The following CTNND2 variants were observed in gnomAD, a reference collection of about 807,000 sequenced individuals.
CTNND2 encodes catenin delta-2.
CTNND2 carries 22 observed loss-of-function variants against 144.4 expected under a neutral mutation model. The observed-to-expected ratio is 0.15, with a 90% CI of 0.11 to 0.22. The LOEUF is 0.22. CTNND2 is among the 10% of genes least tolerant of loss of function. The pLI is 1.00. For missense variants in CTNND2, 1,353 were observed against 1,618.8 expected (o/e 0.84, Z 2.82); for synonymous variants, 751 against 695.6 (o/e 1.08, Z -1.25).
At chr5:11,381,941 T>C (rs1382091430) in intron 7 of CTNND2, among the ~76,000 whole-genome samples, 2 of 152,090 alleles carry the variant, frequency 1.3e-5, no homozygotes, top group African/African-American at 2.4e-5. Context: ...CACTCTAGCC[T>C]GGGTGACAGA....
intron 16 of CTNND2, among the ~76,000 whole-genome samples, chr5:11,065,284 ATAGT>A (rs1354127688): frequency 6.6e-6 from 1 of 152,248 alleles, no homozygotes; most frequent in African/African-American, 2.4e-5. Flanking sequence ...CCTACTTAAG[ATAGT>A]TCTTTTGGAA....
At chr5:11,623,868 G>A (rs1350308500) in intron 2 of CTNND2, among the ~76,000 whole-genome samples, 1 of 120,222 alleles carries the variant, frequency 8.3e-6, no homozygotes, top group African/African-American at 3.1e-5. Flanking sequence ...CAAAAAAGGA[G>A]CAGCCAGATT....
chr5:11,454,961 A>C (rs540904104), intron 3 of CTNND2, among the ~76,000 whole-genome samples: 9 of 151,986 alleles, frequency 5.9e-5, no homozygotes, highest in Admixed American at 4.6e-4. Context: ...TCAGAAAAAA[A>C]AATTCTGAGT....
At chr5:11,371,226 T>G (rs939874923) in intron 7 of CTNND2, among the ~76,000 whole-genome samples, 1 of 152,258 alleles carries the variant, frequency 6.6e-6, no homozygotes, top group Non-Finnish European at 1.5e-5. Flanking sequence ...AGCTATTTTC[T>G]GGACTTTGAA....
At chr5:10,974,610 C>G (rs1736222166) in intron 21 of CTNND2, among the ~76,000 whole-genome samples, 1 of 152,172 alleles carries the variant, frequency 6.6e-6, no homozygotes, top group Non-Finnish European at 1.5e-5. Flanking sequence ...GAGGTTAACC[C>G]TACAGCAAGT....
chr5:10,979,563 G>C (rs1180322824), intron 21 of CTNND2, among the ~76,000 whole-genome samples: 1 of 152,224 alleles, frequency 6.6e-6, no homozygotes, highest in Non-Finnish European at 1.5e-5. Flanking sequence ...TGATCAACGA[G>C]GGGGAACAAC....
At chr5:11,573,135 T>C (rs2561617) in intron 2 of CTNND2, among the ~76,000 whole-genome samples, 1 of 151,844 alleles carries the variant, frequency 6.6e-6, no homozygotes. Context: ...GACAATCAAA[T>C]GCCTACCTTA....
Position 11,708,792 on chromosome 5 carries a change from T to C in CTNND2, c.174+23344A>G, listed in dbSNP as rs150182556. On this transcript the variant is annotated intron_variant, in intron 2 of 21. Transcript: ENST00000304623. ...CCACAAAATCAAGATACAGAATGTT[T>C]CATCACCCTGAAGAGTACCCTCCTT... 1.3e-3 allele frequency among the ~76,000 whole-genome samples: 191 copies of C among 152,266 alleles called. 1 individual carries two copies. Among genetic ancestry groups the C allele is most frequent in the African/African-American group, 4.4e-3 (181 of 41,554 alleles).
intron 16 of CTNND2, among the ~76,000 whole-genome samples, chr5:11,056,118 A>G (rs939998297): frequency 3.9e-5 from 6 of 152,232 alleles, no homozygotes; most frequent in African/African-American, 1.2e-4. Flanking sequence ...TGCTAAGTAC[A>G]TGCTTGAATA....
intron 20 of CTNND2, among the ~76,000 whole-genome samples, chr5:10,982,738 G>T (rs2149487802): frequency 6.6e-6 from 1 of 152,332 alleles, no homozygotes; most frequent in Non-Finnish European, 1.5e-5. Context: ...CCTAGATGTG[G>T]AATCAACCCA....
intron 3 of CTNND2, among the ~76,000 whole-genome samples, chr5:11,476,111 T>G (rs1194213687): frequency 6.6e-6 from 1 of 151,708 alleles, no homozygotes; most frequent in African/African-American, 2.4e-5. Flanking sequence ...ACTCAAGTTA[T>G]CCGCCCACCT....
At chr5:11,343,865 T>A (rs1754501695) in intron 9 of CTNND2, among the ~76,000 whole-genome samples, 1 of 152,212 alleles carries the variant, frequency 6.6e-6, no homozygotes, top group Non-Finnish European at 1.5e-5. Flanking sequence ...AATAAAATGT[T>A]AACAAATTCT....
At chr5:11,248,633 TTGA>T (rs1468346161) in intron 9 of CTNND2, among the ~76,000 whole-genome samples, 2 of 152,160 alleles carry the variant, frequency 1.3e-5, no homozygotes, top group African/African-American at 4.8e-5. Context: ...AATGGTGCAC[TTGA>T]TGAATCTCTT....
chr5:11,462,727 CTGT>C (rs1239521349), intron 3 of CTNND2, among the ~76,000 whole-genome samples: 8 of 152,144 alleles, frequency 5.3e-5, no homozygotes, highest in African/African-American at 1.4e-4. Flanking sequence ...ATGTTATGTG[CTGT>C]TGTTGTTGTT....
chr5:11,332,143 C>T (rs1753216204), intron 9 of CTNND2, among the ~76,000 whole-genome samples: 3 of 151,730 alleles, frequency 2.0e-5, no homozygotes, highest in Admixed American at 6.6e-5. Context: ...GGTGTGGTGG[C>T]GGGTACCTGT....
At chr5:11,880,980 CACT>C (rs1195354772) in intron 1 of CTNND2, among the ~76,000 whole-genome samples, 2 of 141,686 alleles carry the variant, frequency 1.4e-5, no homozygotes, top group Non-Finnish European at 3.1e-5. Context: ...CTACCACTAC[CACT>C]ACTACTGCTA....
At chr5:11,323,242 G>T (rs550763725) in intron 9 of CTNND2, among the ~76,000 whole-genome samples, 2 of 137,098 alleles carry the variant, frequency 1.5e-5, no homozygotes, top group African/African-American at 5.2e-5. Context: ...GGGGGGGGGG[G>T]TCTCACTATA....
At chr5:11,471,054 T>C (rs1382391364) in intron 3 of CTNND2, among the ~76,000 whole-genome samples, 1 of 148,212 alleles carries the variant, frequency 6.7e-6, no homozygotes, top group African/African-American at 2.5e-5. Flanking sequence ...CTCTGCTCAC[T>C]GCAACCACCG....
At chr5:11,390,482 G>C (rs1033165275) in intron 6 of CTNND2, among the ~76,000 whole-genome samples, 1 of 152,212 alleles carries the variant, frequency 6.6e-6, no homozygotes, top group African/African-American at 2.4e-5. Flanking sequence ...CTTATATCCA[G>C]TTAACAAGAG....
Sources: allele counts gnomAD v4.1 joint callset (sites outside exome capture counted in the v4.1 genomes callset), GRCh38; gene constraint gnomAD v4.1.1; transcripts MANE v1.5; gene names NCBI Gene and HGNC (gene_info 2026-07-23, HGNC 2026-07-21).